TMEM161B: variants seen among roughly 807,000 people sequenced by gnomAD.
TMEM161B encodes the protein transmembrane protein 161B.
A neutral mutation model predicts 61.8 loss-of-function variants in TMEM161B; 34 were observed. The ratio of observed to expected loss-of-function variants is 0.55; its 90% CI spans 0.42 to 0.73. TMEM161B has a LOEUF of 0.73. Ranked by LOEUF, TMEM161B falls within the 30% of genes least tolerant of loss-of-function variation. TMEM161B has a pLI of 0.00. For missense variants in TMEM161B, 456 were observed against 558.5 expected, an observed-to-expected ratio of 0.82 and a Z score of 1.85; for synonymous variants, 167 against 192.8, an observed-to-expected ratio of 0.87 and a Z score of 1.11.
chr5:88,229,396 C>G (rs1053121916), intron 2 of TMEM161B, among the ~76,000 whole-genome samples: 1 of 152,052 alleles, frequency 6.6e-6, no homozygotes, highest in Admixed American at 6.6e-5. Context: ...CTCTGAACAT[C>G]TGACTACTGC....
At chr5:88,260,900 C>CA (rs994760863) in intron 1 of TMEM161B, among the ~76,000 whole-genome samples, 2 of 152,042 alleles carry the variant, frequency 1.3e-5, no homozygotes, top group Non-Finnish European at 2.9e-5. Flanking sequence ...AGCCAAAACA[C>CA]AAAAGATATT....
chr5:88,218,772 A>C (rs1273125984), intron 5 of TMEM161B, among the ~76,000 whole-genome samples: 1 of 152,184 alleles, frequency 6.6e-6, no homozygotes, highest in Non-Finnish European at 1.5e-5. Flanking sequence ...CAAAAACATA[A>C]TTTTCGGCCT....
intron 1 of TMEM161B, among the ~76,000 whole-genome samples, chr5:88,250,126 A>T (rs1188157467): frequency 6.6e-6 from 1 of 152,090 alleles, no homozygotes; most frequent in Non-Finnish European, 1.5e-5. Context: ...AAATCTTGCA[A>T]AGGAGACAAA....
intron 2 of TMEM161B, among the ~76,000 whole-genome samples, chr5:88,231,116 G>A (rs1348584124): frequency 6.6e-6 from 1 of 152,156 alleles, no homozygotes; most frequent in Non-Finnish European, 1.5e-5. Context: ...TGACTTCAGA[G>A]TGAAAGGGCA....
chr5:88,238,228 A>T (rs1752174911), intron 2 of TMEM161B, among the ~76,000 whole-genome samples: 2 of 152,018 alleles, frequency 1.3e-5, no homozygotes, highest in South Asian at 4.1e-4. Context: ...GAATCCAGAA[A>T]TATGGAGGGC....
At chr5:88,186,049 G>A (rs953687105), downstream of TMEM161B, among the ~76,000 whole-genome samples, 2 of 152,032 alleles carry the variant, frequency 1.3e-5, no homozygotes, top group African/African-American at 4.8e-5. Context: ...AAGCAAAATC[G>A]ACACCTATAA....
At chr5:88,191,714 T>C (rs1406596467), downstream of TMEM161B, among the ~76,000 whole-genome samples, 1 of 151,616 alleles carries the variant, frequency 6.6e-6, no homozygotes, top group East Asian at 1.9e-4. Context: ...TCCCAGCACT[T>C]TGGGAGGCCG....
At chr5:88,203,407 C>T (rs562775800) in intron 8 of TMEM161B, among the ~76,000 whole-genome samples, 1 of 151,958 alleles carries the variant, frequency 6.6e-6, no homozygotes, top group Non-Finnish European at 1.5e-5. Context: ...TAATCTCATA[C>T]TTTATTCCTG....
intron 5 of TMEM161B, 122 bp downstream of exon 5, chr5:88,220,441 C>A: frequency 1.2e-6 from 1 of 834,772 alleles, no homozygotes; most frequent in Non-Finnish European, 1.7e-6. Flanking sequence ...TTTTCAATTA[C>A]ATAAAAAAGA....
intron 5 of TMEM161B, 78 bp from the exon 6 acceptor site, chr5:88,207,258 G>A: frequency 7.6e-7 from 1 of 1,323,234 alleles, no homozygotes; most frequent in South Asian, 1.6e-5. Context: ...GGACTTGATT[G>A]CAATAAAATT....
Position 88,199,053 on chromosome 5 carries a change from A to G in TMEM161B, c.1012T>C (p.Leu338=). ...TCCACACATTTTTGGGCTAAATTTA[A>G]ATAAGCTTGCAGGTGACTACGCATC... ...AMMRSHLQAY[L]NLAQKCVDQM... Residue 338 remains leucine, a synonymous_variant, in exon 10 of 12, where the codon TTA becomes CTA. Coordinates refer to ENST00000296595, the MANE Select transcript of TMEM161B (RefSeq NM_153354.5). 1 of 1,613,168 alleles carries G rather than the reference A, an allele frequency of 6.2e-7. No individual in the cohort carries two copies. The highest frequency in any genetic ancestry group is 8.5e-7 in the Non-Finnish European group (1 of 1,179,496).
At chr5:88,194,005 T>A (rs1447882402), downstream of TMEM161B, among the ~76,000 whole-genome samples, 1 of 152,200 alleles carries the variant, frequency 6.6e-6, no homozygotes, top group Admixed American at 6.6e-5. Context: ...TTACATGTTT[T>A]ATTTTAGTTT....
At chr5:88,208,160 G>A (rs1180589309) in intron 5 of TMEM161B, among the ~76,000 whole-genome samples, 1 of 152,038 alleles carries the variant, frequency 6.6e-6, no homozygotes, top group Non-Finnish European at 1.5e-5. Context: ...GACCAGCCTG[G>A]CCAACACGGC....
At chr5:88,262,909 CT>C (rs1755862497) in intron 1 of TMEM161B, among the ~76,000 whole-genome samples, 1 of 152,038 alleles carries the variant, frequency 6.6e-6, no homozygotes, top group Non-Finnish European at 1.5e-5. Context: ...TTTAAAAAGT[CT>C]GCAAAAAAAT....
rs1464742577 is a variant in TMEM161B at position 88,199,014 on chromosome 5, C to G, written c.1051G>C (p.Glu351Gln). Residue 351 changes from glutamate to glutamine, a missense_variant, in exon 10 of 12, where the codon GAA becomes CAA. Coordinates refer to ENST00000296595, the MANE Select transcript of TMEM161B (RefSeq NM_153354.5). ...AQKCVDQMKK[E>Q]AGRISTVELQ... ...TCAACCGTGCTTATTCGCCCCGCTT[C>G]TTTCTTCATCTGATCCACACATTTT... is the stretch of plus-strand genomic sequence containing the variant. 1 of 1,612,252 alleles carries G rather than the reference C, an allele frequency of 6.2e-7. No homozygotes were observed. The highest frequency in any genetic ancestry group is 1.3e-5 in the African/African-American group (1 of 74,588).
At chr5:88,221,729 CA>C (rs886094574) in intron 4 of TMEM161B, 2 of 455,790 alleles carry the variant, frequency 4.4e-6, no homozygotes, top group African/African-American at 4.0e-5. Flanking sequence ...GAGTGTAGTC[CA>C]AAACATCAAC....
At chr5:88,266,978 G>T (rs1482277860) in intron 1 of TMEM161B, among the ~76,000 whole-genome samples, 2 of 152,184 alleles carry the variant, frequency 1.3e-5, no homozygotes, top group Non-Finnish European at 2.9e-5. Flanking sequence ...GACAGGATAA[G>T]CAGGATTCTA....
intron 5 of TMEM161B, 72 bp from the exon 6 acceptor site, chr5:88,207,252 T>C: frequency 2.2e-6 from 3 of 1,367,284 alleles, no homozygotes; most frequent in Non-Finnish European, 2.0e-6. Flanking sequence ...TTTATAGGAC[T>C]TGATTGCAAT....
chr5:88,221,722 T>C (rs1197695959), intron 4 of TMEM161B: 1 of 456,162 alleles, frequency 2.2e-6, no homozygotes, highest in Admixed American at 2.3e-5. Flanking sequence ...TCTACCAGAG[T>C]GTAGTCCAAA....
Sources: gnomAD v4.1 joint callset for allele counts (sites outside exome capture counted in the v4.1 genomes callset) on GRCh38, gnomAD v4.1.1 for gene constraint, MANE v1.5 for transcripts, NCBI Gene and HGNC (gene_info 2026-07-23, HGNC 2026-07-21) for gene names.